SCCPDH: variants seen among roughly 807,000 people sequenced by gnomAD.
SCCPDH encodes the protein saccharopine dehydrogenase (putative).
A neutral mutation model predicts 51.5 loss-of-function variants in SCCPDH; 34 were observed. The ratio of observed to expected loss-of-function variants is 0.66; its 90% CI spans 0.50 to 0.88. The LOEUF (loss-of-function observed/expected upper bound fraction) is 0.88, where lower values mean the gene tolerates loss of function less well. SCCPDH is among the 40% of genes least tolerant of loss of function. The pLI, the probability that SCCPDH is intolerant of heterozygous loss-of-function variation, is 0.00. For synonymous variants in SCCPDH, 187 were observed against 191.3 expected, an observed-to-expected ratio of 0.98 and a Z score of 0.19; for missense variants, 464 against 527.1, an observed-to-expected ratio of 0.88 and a Z score of 1.17.
intron 11 of SCCPDH, 92 bp downstream of exon 11, chr1:246,766,231 T>C (rs924648236): frequency 1.1e-6 from 1 of 894,082 alleles, no homozygotes; most frequent in Admixed American, 2.2e-5. Flanking sequence ...TGGGTTTGCA[T>C]GTAAGCATTT....
intron 7 of SCCPDH, among the ~76,000 whole-genome samples, chr1:246,759,536 G>A (rs751322545): frequency 2.6e-5 from 4 of 152,134 alleles, no homozygotes; most frequent in African/African-American, 4.8e-5. Context: ...TGCTTTTGGC[G>A]AGGAAAGTAA....
At chr1:246,745,598 A>G (rs984819222) in intron 5 of SCCPDH, among the ~76,000 whole-genome samples, 20 of 152,172 alleles carry the variant, frequency 1.3e-4, no homozygotes, top group African/African-American at 4.8e-4. Flanking sequence ...TGCTGTGGAG[A>G]TGTGAAGGAA....
intron 4 of SCCPDH, among the ~76,000 whole-genome samples, chr1:246,743,636 A>G (rs1315351063): frequency 6.6e-6 from 1 of 151,936 alleles, no homozygotes; most frequent in Non-Finnish European, 1.5e-5. Flanking sequence ...TGCTGGGATT[A>G]TAGGCATGAG....
intron 5 of SCCPDH, among the ~76,000 whole-genome samples, chr1:246,750,552 G>C (rs1476357244): frequency 6.6e-6 from 1 of 152,102 alleles, no homozygotes; most frequent in Non-Finnish European, 1.5e-5. Context: ...GATGAAGGTG[G>C]GTGCCAGGGA....
rs1010529078 is a variant in SCCPDH at position 246,724,488 on chromosome 1, C to G, written c.66C>G (p.Phe22Leu). 1 of 1,584,832 alleles carries G rather than the reference C, an allele frequency of 6.3e-7. No individual in the cohort carries two copies. The highest frequency in any genetic ancestry group is 8.6e-7 in the Non-Finnish European group (1 of 1,168,576). ...VFGASGFTGQFVTEEVAREQV... is the reference protein window; with the variant it reads ...VFGASGFTGQLVTEEVAREQV... ...GCGCGTCTGGCTTCACCGGCCAGTTCGTGACCGAGGAGGTGGCCCGGGAGC... is the reference window on the plus strand; with the variant it reads ...GCGCGTCTGGCTTCACCGGCCAGTTGGTGACCGAGGAGGTGGCCCGGGAGC... The change falls in exon 1 of 12, where the codon TTC becomes TTG. Residue 22 changes from phenylalanine (F) to leucine (L), a missense_variant. Phe to Leu is a conservative substitution (Grantham distance 22). Coordinates refer to ENST00000366510, the MANE Select transcript of SCCPDH (RefSeq NM_016002.3).
At chr1:246,745,981 A>C (rs989813867) in intron 5 of SCCPDH, among the ~76,000 whole-genome samples, 1 of 151,872 alleles carries the variant, frequency 6.6e-6, no homozygotes, top group Non-Finnish European at 1.5e-5. Flanking sequence ...GGTGGCAGGC[A>C]CCTGTAGTCC....
chr1:246,760,323 CTTT>C (rs956266064), intron 9 of SCCPDH, 96 bp downstream of exon 9: 11 of 969,320 alleles, frequency 1.1e-5, no homozygotes, highest in Non-Finnish European at 1.7e-5. Context: ...TTCAGATACT[CTTT>C]TAAGTTCTTT....
chr1:246,758,973 C>A, intron 6 of SCCPDH, 61 bp from the exon 7 acceptor site: 2 of 969,012 alleles, frequency 2.1e-6, no homozygotes, highest in Non-Finnish European at 3.4e-6. Context: ...CTTATTCAGA[C>A]ATTTACCAGC....
intron 5 of SCCPDH, among the ~76,000 whole-genome samples, chr1:246,752,101 T>A (rs2102987889): frequency 6.6e-6 from 1 of 152,164 alleles, no homozygotes; most frequent in East Asian, 1.9e-4. Context: ...TTTTTTAATG[T>A]CAAAGATGAT....
intron 5 of SCCPDH, among the ~76,000 whole-genome samples, chr1:246,746,886 G>A (rs371039223): frequency 2.0e-5 from 3 of 152,148 alleles, no homozygotes; most frequent in African/African-American, 2.4e-5. Context: ...TTGGGAATGC[G>A]CCATAGAGGC....
chr1:246,763,517 T>G (rs922380584), intron 9 of SCCPDH, among the ~76,000 whole-genome samples: 1 of 152,222 alleles, frequency 6.6e-6, no homozygotes, highest in African/African-American at 2.4e-5. Flanking sequence ...CATTAAAATG[T>G]GTTTGTGTGT....
intron 5 of SCCPDH, among the ~76,000 whole-genome samples, chr1:246,748,672 G>T (rs2102986714): frequency 6.6e-6 from 1 of 152,250 alleles, no homozygotes; most frequent in South Asian, 2.1e-4. Context: ...GCAGCTATTT[G>T]ATCTCGAGAT....
intron 3 of SCCPDH, among the ~76,000 whole-genome samples, chr1:246,738,983 GTGTT>G (rs1249635418): frequency 1.1e-4 from 16 of 152,196 alleles, no homozygotes; most frequent in African/African-American, 2.9e-4. Flanking sequence ...GTGTGTTAAT[GTGTT>G]TGTATGTGTG....
intron 5 of SCCPDH, among the ~76,000 whole-genome samples, chr1:246,753,052 ACTCT>A (rs113895610): frequency 4.0e-4 from 40 of 101,264 alleles, no homozygotes; most frequent in African/African-American, 1.1e-3. Flanking sequence ...TTTTTCTTTG[ACTCT>A]CTCTCTCTCT....
intron 1 of SCCPDH, among the ~76,000 whole-genome samples, chr1:246,726,484 C>T (rs1055609994): frequency 6.6e-5 from 10 of 151,898 alleles, no homozygotes; most frequent in African/African-American, 2.2e-4. Flanking sequence ...GAGATCCTTG[C>T]ACCTTGACCT....
intron 3 of SCCPDH, among the ~76,000 whole-genome samples, chr1:246,737,592 A>AC (rs1029924237): frequency 1.8e-3 from 273 of 149,714 alleles, no homozygotes; most frequent in African/African-American, 5.5e-3. Context: ...GTAGTATCGA[A>AC]CCCCCCCCTT....
chr1:246,766,207 T>A, intron 11 of SCCPDH, 68 bp downstream of exon 11: 9 of 1,154,608 alleles, frequency 7.8e-6, no homozygotes, highest in Non-Finnish European at 1.0e-5. Context: ...TATTTTGATT[T>A]GATTTTCAGG....
At chr1:246,765,355 T>C (rs1358621341) in intron 10 of SCCPDH, among the ~76,000 whole-genome samples, 2 of 152,202 alleles carry the variant, frequency 1.3e-5, no homozygotes, top group African/African-American at 2.4e-5. Flanking sequence ...TTCTAAAGGG[T>C]TGGGATTACA....
chr1:246,724,750 G>A (rs1327683829), intron 1 of SCCPDH, 138 bp downstream of exon 1: 5 of 751,770 alleles, frequency 6.7e-6, no homozygotes, highest in Non-Finnish European at 1.0e-5. Context: ...AGGAGAGGGA[G>A]AGATGTTTCA....
Sources: allele counts gnomAD v4.1 joint callset (sites outside exome capture counted in the v4.1 genomes callset), GRCh38; gene constraint gnomAD v4.1.1; transcripts MANE v1.5; gene names NCBI Gene and HGNC (gene_info 2026-07-23, HGNC 2026-07-21).